Variants in PCDH11Y observed in about 807,000 individuals in gnomAD.
The protein encoded by PCDH11Y is protocadherin 11 Y-linked.
For synonymous variants in PCDH11Y, 9 were observed against 83.6 expected (o/e 0.11, Z 4.87); for missense variants, 12 against 224.8 (o/e 0.05, Z 6.05).
At chrY:5,708,371 T>C (rs2124712787) in intron 4 of PCDH11Y, among the ~76,000 whole-genome samples, 1 of 33,369 alleles carries the variant, frequency 3.0e-5, no homozygotes, top group East Asian at 7.8e-4. Context: ...AACTGTGGTG[T>C]GTAATCTACT....
intron 2 of PCDH11Y, among the ~76,000 whole-genome samples, chrY:5,172,504 C>T: frequency 3.1e-5 from 1 of 32,247 alleles, no homozygotes; most frequent in African/African-American, 1.2e-4. Context: ...CAGGTCTCGT[C>T]GAGCAGAGGC....
At chrY:5,153,439 G>A in intron 2 of PCDH11Y, among the ~76,000 whole-genome samples, 1 of 32,915 alleles carries the variant, frequency 3.0e-5, no homozygotes, top group African/African-American at 1.2e-4. Context: ...GAGTAGTGGA[G>A]TGATTTACTT....
intron 2 of PCDH11Y, among the ~76,000 whole-genome samples, chrY:5,310,078 C>T (rs2053097241): frequency 3.8e-5 from 1 of 26,490 alleles, no homozygotes; most frequent in Non-Finnish European, 8.7e-5. Context: ...GTTTTTTCAC[C>T]CTGGAATTCT....
At chrY:5,373,745 T>C (rs79133259) in intron 2 of PCDH11Y, among the ~76,000 whole-genome samples, 32 of 23,712 alleles carry the variant, frequency 1.3e-3, no homozygotes, top group East Asian at 4.1e-3. Flanking sequence ...TGTGTATATA[T>C]ACACACACAC....
In PCDH11Y at chrY:5,028,051, G is replaced by A; in HGVS notation, c.-133-3855G>A. Among the ~76,000 whole-genome samples, 5 of 33,481 alleles carry A rather than the reference G, an allele frequency of 1.5e-4. No homozygotes were observed. In the East Asian group the frequency reaches 4.0e-3, roughly 27 times the overall value. 89.8% of individuals were successfully genotyped at this position (33,481 alleles called of 37,273 possible). On this transcript the variant is annotated intron_variant, in intron 1 of 5. Coordinates refer to the PCDH11Y transcript ENST00000333703. ...ATTGTTCTATGCAAATTAAATTTGC[G>A]TATGCAAGTTACAATTTGAGTTTAA...
Position 5,510,788 on chromosome Y carries a change from T to G in PCDH11Y, c.3328+9533T>G, listed in dbSNP as rs367671885. Among the ~76,000 whole-genome samples the G allele has an allele frequency of 2.7e-3, 83 of 30,677 alleles. No homozygotes were observed. The Middle Eastern group carries it at 0.12, about 43-fold the overall frequency. 82.3% of individuals were successfully genotyped at this position (30,677 alleles called of 37,273 possible). A position where few individuals can be genotyped will look rare whatever the true frequency, so the allele number is the denominator to read the frequency against. ...TTGAAGAAGGAGTCAATTTTTTTTT[T>G]GGGGGGTGGGGGAACGGAATCTCAC... On this transcript the variant is annotated intron_variant, in intron 3 of 4. Coordinates refer to the PCDH11Y transcript ENST00000400457.
intron 2 of PCDH11Y, among the ~76,000 whole-genome samples, chrY:5,191,442 GA>G (rs2052912399): frequency 3.0e-5 from 1 of 32,934 alleles, no homozygotes; most frequent in African/African-American, 1.2e-4. Context: ...TTTGTTGGGT[GA>G]AAGGGAATTA....
chrY:5,413,834 G>T, intron 2 of PCDH11Y, among the ~76,000 whole-genome samples: 1 of 32,984 alleles, frequency 3.0e-5, no homozygotes, highest in Admixed American at 2.7e-4. Context: ...GAGGTTGTAT[G>T]TGTCAAACAA....
At chrY:5,484,461 A>G in intron 2 of PCDH11Y, among the ~76,000 whole-genome samples, 1 of 33,266 alleles carries the variant, frequency 3.0e-5, no homozygotes, top group Admixed American at 2.7e-4. Context: ...ATGAGTATTC[A>G]TTAACTAGAT....
At chrY:5,537,885 T>C in intron 3 of PCDH11Y, among the ~76,000 whole-genome samples, 4 of 33,479 alleles carry the variant, frequency 1.2e-4, no homozygotes, top group Non-Finnish European at 3.0e-4. Context: ...CCTCGGGTAG[T>C]TGCCTTTTGT....
At chrY:5,133,841 G>A in intron 2 of PCDH11Y, among the ~76,000 whole-genome samples, 1 of 32,545 alleles carries the variant, frequency 3.1e-5, no homozygotes, top group Non-Finnish European at 7.6e-5. Flanking sequence ...TGTCTATTCT[G>A]AGTCTCTTGT....
intron 2 of PCDH11Y, among the ~76,000 whole-genome samples, chrY:5,178,009 A>G: frequency 3.1e-5 from 1 of 32,683 alleles, no homozygotes; most frequent in South Asian, 6.9e-4. Flanking sequence ...TTTTAAATGT[A>G]AAAATTAAAA....
At chrY:5,509,873 G>A (rs2053362537) in intron 3 of PCDH11Y, among the ~76,000 whole-genome samples, 1 of 29,198 alleles carries the variant, frequency 3.4e-5, no homozygotes, top group South Asian at 8.1e-4. Context: ...GCTTTTGGCC[G>A]GGCACGGTGG....
chrY:5,622,238 G>A, intron 4 of PCDH11Y, among the ~76,000 whole-genome samples: 10 of 30,835 alleles, frequency 3.2e-4, no homozygotes, highest in African/African-American at 1.3e-3. Flanking sequence ...AAAAAAATTG[G>A]CCAAAGGACA....
intron 4 of PCDH11Y, among the ~76,000 whole-genome samples, chrY:5,619,445 CA>C (rs2053497676): frequency 2.4e-4 from 8 of 33,173 alleles, no homozygotes; most frequent in Admixed American, 5.5e-4. Flanking sequence ...CTCTACTTAA[CA>C]GAGTTTAATT....
intron 2 of PCDH11Y, among the ~76,000 whole-genome samples, chrY:5,110,882 T>C: frequency 3.1e-5 from 1 of 32,155 alleles, no homozygotes; most frequent in East Asian, 8.2e-4. Context: ...GACATGTAAA[T>C]ACAGAAATAG....
At chrY:5,039,904 G>A in intron 3 of PCDH11Y, among the ~76,000 whole-genome samples, 1 of 32,745 alleles carries the variant, frequency 3.1e-5, no homozygotes, top group African/African-American at 1.2e-4. Flanking sequence ...TTGGGAGGCT[G>A]AGGCCAGTGG....
intron 3 of PCDH11Y, among the ~76,000 whole-genome samples, chrY:5,545,339 A>G: frequency 3.1e-5 from 1 of 32,208 alleles, no homozygotes; most frequent in Non-Finnish European, 7.7e-5. Context: ...ATGATTCCAA[A>G]TAATATGGCA....
intron 2 of PCDH11Y, among the ~76,000 whole-genome samples, chrY:5,187,928 T>G: frequency 3.0e-5 from 1 of 33,615 alleles, no homozygotes. Context: ...TAAAACTTAA[T>G]GCTTTTAACA....
Sources: gnomAD v4.1 joint callset for allele counts (sites outside exome capture counted in the v4.1 genomes callset) on GRCh38, gnomAD v4.1.1 for gene constraint, MANE v1.5 for transcripts, NCBI Gene and HGNC (gene_info 2026-07-23, HGNC 2026-07-21) for gene names.